The following ACVRL1 variants were observed in gnomAD, a reference collection of about 807,000 sequenced individuals.
The protein encoded by ACVRL1 is activin receptor type-1-like.
Under a neutral mutation model 51.9 loss-of-function variants are expected in ACVRL1, and 20 were observed. The ratio of observed to expected loss-of-function variants is 0.39; its 90% confidence interval spans 0.27 to 0.56. The LOEUF (loss-of-function observed/expected upper bound fraction) is 0.56. Among genes scored for constraint, ACVRL1 ranks in the 20% least tolerant of loss-of-function variants. The pLI is 0.67. For missense variants in ACVRL1, 451 were observed against 670.3 expected, an observed-to-expected ratio of 0.67 and a Z score of 3.61; for synonymous variants, 288 against 280.9, an observed-to-expected ratio of 1.03 and a Z score of -0.25.
Position 51,920,942 on chromosome 12 carries a change from G to GGGGGGGGGCC in ACVRL1, c.*52_*53insGGGGGCCGGG. ...TGCCTGCAGGGGGCTGGGGGGGTGG[G>GGGGGGGGGCC]GGGCAGTGGATGGTGCCCTATCTGG... On this transcript the variant is annotated 3_prime_UTR_variant, in exon 10 of 10. Coordinates refer to ENST00000388922, the MANE Select transcript of ACVRL1 (RefSeq NM_000020.3). 1 of 629,042 alleles carries GGGGGGGGGCC rather than the reference G, an allele frequency of 1.6e-6. No homozygotes were observed. Among genetic ancestry groups the GGGGGGGGGCC allele is most frequent in the Non-Finnish European group, 2.9e-6 (1 of 341,658 alleles). The allele number at this position is 629,042 out of a possible 1,614,324, so 39.0% of individuals were successfully genotyped here. A position where few individuals can be genotyped will look rare whatever the true frequency, so the allele number is the denominator to read the frequency against.
At chr12:51,915,948 C>A in intron 7 of ACVRL1, 88 bp from the exon 8 acceptor site, 1 of 1,444,544 alleles carries the variant, frequency 6.9e-7, no homozygotes, top group Non-Finnish European at 9.5e-7. Context: ...CCCTCTCTGT[C>A]CCACTGTTTC....
At chr12:51,910,638 T>A (rs1470120983) in intron 1 of ACVRL1, among the ~76,000 whole-genome samples, 2 of 152,186 alleles carry the variant, frequency 1.3e-5, no homozygotes, top group Admixed American at 1.3e-4. Context: ...AACCCTCTCC[T>A]TTGCAGCTTT....
In ACVRL1 at chr12:51,920,945, G is replaced by GGGGGGGGGGGGGGGGGGGCCCCCCC; in HGVS notation, c.*52_*53insGGGGGGGGGGGGGGGGGGCCCCCCC. The GGGGGGGGGGGGGGGGGGGCCCCCCC allele has an allele frequency of 1.4e-6, 1 of 740,480 alleles. No individual in the cohort carries two copies. Among genetic ancestry groups the GGGGGGGGGGGGGGGGGGGCCCCCCC allele is most frequent in the Non-Finnish European group, 2.4e-6 (1 of 424,052 alleles). 45.9% of individuals were successfully genotyped at this position (740,480 alleles called of 1,614,324 possible). ...CTGCAGGGGGCTGGGGGGGTGGGGG[G>GGGGGGGGGGGGGGGGGGGCCCCCCC]CAGTGGATGGTGCCCTATCTGGGTA... is the stretch of plus-strand genomic sequence containing the variant. On this transcript the variant is annotated 3_prime_UTR_variant, in exon 10 of 10. Transcript: ENST00000388922.
intron 7 of ACVRL1, chr12:51,915,794 A>G (rs1343673031): frequency 1.6e-6 from 1 of 634,040 alleles, no homozygotes; most frequent in Non-Finnish European, 2.7e-6. Flanking sequence ...AAGTGGGCTC[A>G]TAATGCCTGC....
rs140970131 is a variant in ACVRL1, at chr12:51,913,991, C to T, written c.543C>T (p.Asp181=). 1.5e-4 allele frequency: 244 copies of T among 1,613,696 alleles called. No homozygotes were observed. The African/African-American group carries it at 2.9e-3, about 19-fold the overall frequency. The change falls in exon 5 of 10, where the codon GAC becomes GAT. Residue 181 remains aspartate (D), a synonymous_variant. Transcript: ENST00000388922. ...DSMLGDLLDS[D]CTTGSGSGLP... is the part of the protein sequence containing the mutation. ...ACCCCCAGGACCTCCTGGACAGTGA[C>T]TGCACCACAGGGAGTGGCTCAGGGC...
intron 1 of ACVRL1, 58 bp from the exon 2 acceptor site, chr12:51,912,412 G>A (rs1347225128): frequency 2.2e-5 from 35 of 1,584,118 alleles, no homozygotes; most frequent in South Asian, 4.4e-5. Context: ...AGGGAGCCAC[G>A]GCCAGCGGCT....
At chr12:51,915,095 C>T (rs1940797540) in intron 6 of ACVRL1, 130 bp from the exon 7 acceptor site, 3 of 1,068,174 alleles carry the variant, frequency 2.8e-6, no homozygotes, top group African/African-American at 1.6e-5. Context: ...CACATCAACC[C>T]CCACCCCCAG....
chr12:51,910,101 A>C (rs189029130), intron 1 of ACVRL1, among the ~76,000 whole-genome samples: 74 of 152,342 alleles, frequency 4.9e-4, no homozygotes, highest in African/African-American at 1.8e-3. Flanking sequence ...CACTGGGTCC[A>C]GTTAAAAATT....
chr12:51,916,308 T>C, intron 8 of ACVRL1, 75 bp downstream of exon 8: 1 of 1,521,132 alleles, frequency 6.6e-7, no homozygotes, highest in Non-Finnish European at 8.9e-7. Context: ...CCATGGCCAG[T>C]GCCCATGGCC....
chr12:51,911,862 C>T (rs747861290), intron 1 of ACVRL1, among the ~76,000 whole-genome samples: 38 of 152,208 alleles, frequency 2.5e-4, no homozygotes, highest in Admixed American at 5.9e-4. Context: ...CCCCTCCAGA[C>T]CTTGTGGCTG....
At chr12:51,908,390 A>G (rs904924595) in intron 1 of ACVRL1, among the ~76,000 whole-genome samples, 2 of 152,204 alleles carry the variant, frequency 1.3e-5, no homozygotes, top group Admixed American at 6.5e-5. Flanking sequence ...CTCTCTATGT[A>G]TGGCCAGCTT....
intron 7 of ACVRL1, 159 bp from the exon 8 acceptor site, chr12:51,915,877 A>G: frequency 2.6e-6 from 2 of 771,120 alleles, no homozygotes; most frequent in South Asian, 1.8e-5. Flanking sequence ...ACCTGGGGCC[A>G]TGGTTCTCTC....
chr12:51,922,343 C>T lies in ACVRL1; in HGVS notation c.*1450C>T, dbSNP rs889102699. On this transcript the variant is annotated 3_prime_UTR_variant, in exon 10 of 10. Transcript: ENST00000388922. The stretch of plus-strand genomic sequence containing the variant: ...CTTTTGACCACAAGCCAGCCCCTCG[C>T]CCTCTCTGTGGCATAGTCTTCTCTG... The T allele has an allele frequency of 6.6e-6, 1 of 152,246 alleles. No individual in the cohort carries two copies. Among genetic ancestry groups the T allele is most frequent in the Non-Finnish European group, 1.5e-5 (1 of 68,080 alleles). The allele number at this position is 152,246 out of a possible 1,614,324, so 9.4% of individuals were successfully genotyped here.
intron 3 of ACVRL1, 31 bp downstream of exon 3, chr12:51,913,381 C>T: frequency 6.2e-7 from 1 of 1,605,554 alleles, no homozygotes. Context: ...ACTCCCTCCC[C>T]ATCTTCTTGG....
At chr12:51,919,954 A>G (rs1468638328) in intron 9 of ACVRL1, among the ~76,000 whole-genome samples, 1 of 152,212 alleles carries the variant, frequency 6.6e-6, no homozygotes, top group Non-Finnish European at 1.5e-5. Flanking sequence ...CTGGCTCACA[A>G]TAGGTGCTAA....
chr12:51,915,178 C>T, intron 6 of ACVRL1, 47 bp from the exon 7 acceptor site: 1 of 1,612,696 alleles, frequency 6.2e-7, no homozygotes, highest in Non-Finnish European at 8.5e-7. Context: ...TCCAGCCTCC[C>T]TTAGCCCCAG....
intron 4 of ACVRL1, 69 bp downstream of exon 4, chr12:51,913,839 C>G (rs1299033030): frequency 6.3e-7 from 1 of 1,589,048 alleles, no homozygotes; most frequent in Non-Finnish European, 8.6e-7. Flanking sequence ...TCAGAGGGGT[C>G]ACCCAGAGAT....
At position 51,909,876 on chromosome 12, in the gene ACVRL1, C is replaced by A. The variant is rs889933262; in HGVS notation, c.-6+2181C>A. 2.0e-5 allele frequency among the ~76,000 whole-genome samples: 3 copies of A among 152,176 alleles called. No homozygotes were observed. In the East Asian group the frequency reaches 5.8e-4, roughly 29 times the overall value. ...TAAGTATTTCATAGTGTTTAGCTAA[C>A]GTTTGAAATTAGTTTAACGTCTGTA... On this transcript the variant is annotated intron_variant, in intron 1 of 9. Transcript: ENST00000388922.
chr12:51,914,388 A>T, intron 5 of ACVRL1, 51 bp from the exon 6 acceptor site: 1 of 1,612,894 alleles, frequency 6.2e-7, no homozygotes, highest in Non-Finnish European at 8.5e-7. Flanking sequence ...GGGCTCTTCC[A>T]GGGCTCTGTG....
Sources: allele counts gnomAD v4.1 joint callset (sites outside exome capture counted in the v4.1 genomes callset), GRCh38; gene constraint gnomAD v4.1.1; transcripts MANE v1.5; gene names NCBI Gene and HGNC (gene_info 2026-07-23, HGNC 2026-07-21).